Variants in RPS6KA2 observed in about 807,000 individuals in gnomAD.
The protein encoded by RPS6KA2 is ribosomal protein S6 kinase alpha-2.
RPS6KA2 carries 42 observed loss-of-function variants against 91.8 expected under a neutral mutation model. The ratio of observed to expected loss-of-function variants is 0.46; its 90% CI spans 0.36 to 0.59. The LOEUF (loss-of-function observed/expected upper bound fraction) is 0.59, where lower values mean the gene tolerates loss of function less well. Ranked by LOEUF, RPS6KA2 falls within the 20% of genes least tolerant of loss-of-function variation. The probability of loss-of-function intolerance (pLI) is 0.00; values close to 1 mark genes in which losing one functional copy is unlikely to be tolerated. For missense variants in RPS6KA2, 798 were observed against 978.5 expected (o/e 0.82, Z 2.46); for synonymous variants, 414 against 393.6 (o/e 1.05, Z -0.61).
intron 2 of RPS6KA2, among the ~76,000 whole-genome samples, chr6:166,766,248 A>G (rs1185257858): frequency 6.6e-6 from 1 of 152,232 alleles, no homozygotes; most frequent in Non-Finnish European, 1.5e-5. Context: ...ATATTGAATA[A>G]CTTAAATCTG....
intron 2 of RPS6KA2, among the ~76,000 whole-genome samples, chr6:166,714,724 C>G (rs1789963111): frequency 6.6e-6 from 1 of 152,250 alleles, no homozygotes; most frequent in Non-Finnish European, 1.5e-5. Flanking sequence ...CCCGCCTCAG[C>G]AGGAGCCCAC....
chr6:166,545,942 C>A (rs1008144634), intron 1 of RPS6KA2, among the ~76,000 whole-genome samples: 1 of 152,158 alleles, frequency 6.6e-6, no homozygotes, highest in African/African-American at 2.4e-5. Context: ...CACATGGGCT[C>A]CCAGTCCTGA....
chr6:166,489,101 T>C (rs960719057), intron 9 of RPS6KA2, among the ~76,000 whole-genome samples, 180 bp from the exon 10 acceptor site: 8 of 152,208 alleles, frequency 5.3e-5, no homozygotes, highest in African/African-American at 1.4e-4. Context: ...AAAGAGCTTA[T>C]GTTTATGTGG....
intron 2 of RPS6KA2, among the ~76,000 whole-genome samples, chr6:166,734,747 A>G (rs1227953783): frequency 1.3e-5 from 2 of 152,216 alleles, no homozygotes; most frequent in East Asian, 3.8e-4. Context: ...ACCTAAGACC[A>G]TGGAACTGGT....
intron 19 of RPS6KA2, among the ~76,000 whole-genome samples, chr6:166,414,582 G>GAC (rs1339478352): frequency 6.6e-6 from 1 of 152,226 alleles, no homozygotes; most frequent in African/African-American, 2.4e-5. Context: ...TACATTTGCG[G>GAC]ACAAACCTGA....
intron 2 of RPS6KA2, among the ~76,000 whole-genome samples, chr6:166,729,356 C>A (rs1362887370): frequency 6.6e-6 from 1 of 152,218 alleles, no homozygotes; most frequent in African/African-American, 2.4e-5. Context: ...ATTTCTTTCT[C>A]TTTCTGTGTG....
Position 166,419,832 on chromosome 6 carries a change from GGCT to G in RPS6KA2, c.1820+47_1820+49del. On this transcript the variant is annotated intron_variant, in intron 18 of 20. Coordinates refer to ENST00000265678, the MANE Select transcript of RPS6KA2 (RefSeq NM_021135.6). This position sits in a 1 kb window ranked among gnomAD's most constrained non-coding sequence, Gnocchi z 5.6. ...GGTCCCCTGACAGATCAGCCACTGA[GGCT>G]GCTGCCCTGTGTCTCCTCCTGACAC... is the stretch of plus-strand genomic sequence containing the variant. 1.3e-6 allele frequency: 2 copies of G among 1,539,020 alleles called. No homozygotes were observed. Among genetic ancestry groups the G allele is most frequent in the Non-Finnish European group, 1.8e-6 (2 of 1,112,510 alleles).
At chr6:166,746,408 C>G (rs2128595372) in intron 2 of RPS6KA2, among the ~76,000 whole-genome samples, 1 of 152,294 alleles carries the variant, frequency 6.6e-6, no homozygotes, top group Non-Finnish European at 1.5e-5. Flanking sequence ...GGAGACCTAT[C>G]AAAGTGTTTA....
chr6:166,804,653 TTATG>T (rs1191810891), intron 2 of RPS6KA2, among the ~76,000 whole-genome samples: 7 of 152,130 alleles, frequency 4.6e-5, no homozygotes, highest in Non-Finnish European at 1.0e-4. Flanking sequence ...TATCATATAT[TTATG>T]TGTTTTATAT....
In RPS6KA2 at chr6:166,713,787, T is replaced by TCAGCCCCAGATG. The variant is rs563111228; in HGVS notation, c.123+144412_123+144413insCATCTGGGGCTG. On this transcript the variant is annotated intron_variant, in intron 2 of 21. Transcript: ENST00000503859. ...GAGGAGGAAAGTGCTGCCTGTGATG[T>TCAGCCCCAGATG]CCTGGGGTCAGCACTGGCCACGTTA... Among the ~76,000 whole-genome samples, 235 of 152,330 alleles carry TCAGCCCCAGATG rather than the reference T, an allele frequency of 1.5e-3. 1 individual carries two copies. Among genetic ancestry groups the TCAGCCCCAGATG allele is most frequent in the African/African-American group, 5.4e-3 (225 of 41,584 alleles).
chr6:166,796,594 A>C (rs1779230047), intron 2 of RPS6KA2, among the ~76,000 whole-genome samples: 1 of 151,996 alleles, frequency 6.6e-6, no homozygotes, highest in African/African-American at 2.4e-5. Context: ...AAAAAGAAAA[A>C]CAACAACAAC....
rs1450169533 is a variant in RPS6KA2, at chr6:166,490,843, C to T, written c.748-102G>A. On this transcript the variant is annotated intron_variant, in intron 8 of 20. Coordinates refer to ENST00000265678, the MANE Select transcript of RPS6KA2 (RefSeq NM_021135.6). This position sits in a 1 kb window ranked among gnomAD's most constrained non-coding sequence, Gnocchi z 4.2. Reference sequence around the variant, plus strand: ...CAGCCTGCTACCGTGTCCATTTCCTCATGCAAAATCTCCATCAGTCAATTG... The same window carrying T: ...CAGCCTGCTACCGTGTCCATTTCCTTATGCAAAATCTCCATCAGTCAATTG... 1 of 806,888 alleles carries T rather than the reference C, an allele frequency of 1.2e-6. No homozygotes were observed. 50.0% of individuals were successfully genotyped at this position (806,888 alleles called of 1,614,324 possible). A position where few individuals can be genotyped will look rare whatever the true frequency, so the allele number is the denominator to read the frequency against.
At chr6:166,794,430 T>C (rs932545014) in intron 2 of RPS6KA2, among the ~76,000 whole-genome samples, 4 of 151,950 alleles carry the variant, frequency 2.6e-5, no homozygotes, top group African/African-American at 9.7e-5. Context: ...GTTCAACCAT[T>C]GTGGAAGTCA....
intron 2 of RPS6KA2, among the ~76,000 whole-genome samples, chr6:166,705,968 A>T (rs772935592): frequency 2.6e-5 from 4 of 152,192 alleles, no homozygotes; most frequent in Non-Finnish European, 5.9e-5. Context: ...GAGACTCTAG[A>T]GAGGGCCCTC....
intron 1 of RPS6KA2, among the ~76,000 whole-genome samples, chr6:166,619,915 C>A (rs942899850): frequency 4.6e-5 from 7 of 152,314 alleles, no homozygotes; most frequent in African/African-American, 1.7e-4. Flanking sequence ...TCTACCATAA[C>A]CATTCCAAAA....
chr6:166,430,730 T>C, intron 15 of RPS6KA2, 119 bp from the exon 16 acceptor site: 1 of 1,015,210 alleles, frequency 9.9e-7, no homozygotes, highest in Non-Finnish European at 1.4e-6. Context: ...CAGGGTCCTA[T>C]GGGAGTGCAA....
chr6:166,432,540 G>T, intron 14 of RPS6KA2, 50 bp from the exon 15 acceptor site: 1 of 1,180,338 alleles, frequency 8.5e-7, no homozygotes. Flanking sequence ...TAGGCTTTCG[G>T]GTGGTATCTG....
rs924901574 is a variant in RPS6KA2 at position 166,437,523 on chromosome 6, A to G, written c.1333-5033T>C. 6.6e-6 allele frequency among the ~76,000 whole-genome samples: 1 copy of G among 152,138 alleles called. No homozygotes were observed. The highest frequency in any genetic ancestry group is 1.9e-4 in the East Asian group (1 of 5,186). Reference sequence around the variant, plus strand: ...TCTCATCTGGCAACAGCTGGTTAGAAAGGACTCCTACAACCTCCAGAGAAG... The same window carrying G: ...TCTCATCTGGCAACAGCTGGTTAGAGAGGACTCCTACAACCTCCAGAGAAG... On this transcript the variant is annotated intron_variant, in intron 14 of 20. Transcript: ENST00000265678. The surrounding 1 kb of genome is among the most constrained non-coding windows in gnomAD (Gnocchi z 4.3).
chr6:166,445,453 G>C lies in RPS6KA2; in HGVS notation c.1332+3271C>G, dbSNP rs1438647658. ...TTTCGTTGGGGCAGCAGGTTGTGGG[G>C]GCTGTCCTGTGCACACAGGATGCTA... is the stretch of plus-strand genomic sequence containing the variant. On this transcript the variant is annotated intron_variant, in intron 14 of 20. Coordinates refer to ENST00000265678, the MANE Select transcript of RPS6KA2 (RefSeq NM_021135.6). The surrounding 1 kb of genome is among the most constrained non-coding windows in gnomAD (Gnocchi z 4.5). 6.6e-6 allele frequency among the ~76,000 whole-genome samples: 1 copy of C among 152,180 alleles called. No homozygotes were observed. The highest frequency in any genetic ancestry group is 1.5e-5 in the Non-Finnish European group (1 of 68,026).
Sources: gnomAD v4.1 joint callset for allele counts (sites outside exome capture counted in the v4.1 genomes callset) on GRCh38, gnomAD v4.1.1 for gene constraint, Gnocchi (gnomAD v3.1) non-coding constraint, MANE v1.5 for transcripts, NCBI Gene and HGNC (gene_info 2026-07-23, HGNC 2026-07-21) for gene names.